Variants in TTLL5 observed in about 807,000 individuals in gnomAD.
TTLL5 encodes the protein tubulin tyrosine ligase like 5.
TTLL5 carries 132 observed loss-of-function variants against 168.4 expected under a neutral mutation model. The observed-to-expected ratio is 0.78, with a 90% CI of 0.68 to 0.91. The LOEUF (loss-of-function observed/expected upper bound fraction) is 0.91. Ranked by LOEUF, TTLL5 falls within the 40% of genes least tolerant of loss-of-function variation. TTLL5 has a pLI of 0.00. For missense variants in TTLL5, 1,545 were observed against 1,581.5 expected, an observed-to-expected ratio of 0.98 and a Z score of 0.39; for synonymous variants, 546 against 558.6, an observed-to-expected ratio of 0.98 and a Z score of 0.32.
chr14:75,796,710 G>T (rs1476946829), intron 27 of TTLL5, among the ~76,000 whole-genome samples: 3 of 152,014 alleles, frequency 2.0e-5, no homozygotes, highest in African/African-American at 7.2e-5. Flanking sequence ...TTTTTTGTTT[G>T]CTTTGTCAAA....
chr14:75,807,025 T>A (rs1427503672), intron 27 of TTLL5, among the ~76,000 whole-genome samples: 2 of 152,252 alleles, frequency 1.3e-5, no homozygotes, highest in Non-Finnish European at 2.9e-5. Context: ...TGTTTTGCAC[T>A]AAACTACATG....
Position 75,766,080 on chromosome 14 carries a change from AAATG to A in TTLL5, c.1732_1735del (p.Asn578LeufsTer15), listed in dbSNP as rs1431602537. 1.2e-6 allele frequency: 2 copies of A among 1,612,026 alleles called. No homozygotes were observed. The highest frequency in any genetic ancestry group is 1.7e-6 in the Non-Finnish European group (2 of 1,179,206). ...TATTTAGTGATTACCCAACCAGCTG[AAATG>A]AATGTTAAAACTGAGACAGAGAGTG... On this transcript the variant is annotated frameshift_variant, in exon 20 of 32. Coordinates refer to ENST00000298832, the MANE Select transcript of TTLL5 (RefSeq NM_015072.5). LOFTEE classifies it high-confidence loss of function.
chr14:75,865,047 C>T (rs1053759486), intron 29 of TTLL5, among the ~76,000 whole-genome samples: 7 of 151,964 alleles, frequency 4.6e-5, no homozygotes, highest in Non-Finnish European at 7.4e-5. Flanking sequence ...TTGTAAGTGC[C>T]GGCATTTGCA....
At chr14:75,915,857 G>C (rs985242082) in intron 31 of TTLL5, among the ~76,000 whole-genome samples, 5 of 152,182 alleles carry the variant, frequency 3.3e-5, no homozygotes, top group African/African-American at 1.2e-4. Context: ...GTCGGACATG[G>C]TGGCTCCTGC....
At position 75,777,687 on chromosome 14, in the gene TTLL5, A is replaced by G. The variant is rs148630813; in HGVS notation, c.2387+837A>G. ...CCCATTACTTAGGCTTCAACTGTCA[A>G]AGTCACAAATAGGGAGAAAATCAGT... is the stretch of plus-strand genomic sequence containing the variant. On this transcript the variant is annotated intron_variant, in intron 23 of 31. Coordinates refer to ENST00000298832, the MANE Select transcript of TTLL5 (RefSeq NM_015072.5). 1.1e-3 allele frequency among the ~76,000 whole-genome samples: 160 copies of G among 152,328 alleles called. 1 individual carries two copies. The highest frequency in any genetic ancestry group is 3.6e-3 in the African/African-American group (149 of 41,574).
At position 75,779,613 on chromosome 14, in the gene TTLL5, A is replaced by C; in HGVS notation, c.2426A>C (p.Gln809Pro). The C allele has an allele frequency of 1.2e-6, 2 of 1,613,738 alleles. No individual in the cohort carries two copies. The highest frequency in any genetic ancestry group is 1.1e-5 in the South Asian group (1 of 90,982). ...ELEEVLTFYT[Q>P]KNKSASVFLG... The stretch of plus-strand genomic sequence containing the variant: ...GAGGAGGTGTTGACTTTTTATACCC[A>C]AAAGAACAAGTCTGCTAGTGTCTTC... Residue 809 changes from glutamine to proline, a missense_variant, in exon 24 of 32, where the codon CAA becomes CCA. Transcript: ENST00000298832.
At chr14:75,661,945 A>G (rs1890758656) in intron 1 of TTLL5, among the ~76,000 whole-genome samples, 1 of 152,170 alleles carries the variant, frequency 6.6e-6, no homozygotes, top group Non-Finnish European at 1.5e-5. Flanking sequence ...ACAGCAAGTA[A>G]TTATCGCTGA....
At chr14:75,914,179 A>G (rs2140120732) in intron 31 of TTLL5, among the ~76,000 whole-genome samples, 2 of 151,088 alleles carry the variant, frequency 1.3e-5, no homozygotes, top group South Asian at 2.1e-4. Flanking sequence ...CTAGAGACCT[A>G]CAATTTATAT....
chr14:75,832,680 A>T (rs903475325), intron 28 of TTLL5, among the ~76,000 whole-genome samples: 11 of 152,202 alleles, frequency 7.2e-5, no homozygotes, highest in Non-Finnish European at 5.9e-5. Context: ...AACACTCATC[A>T]CTATAAAATA....
chr14:75,892,775 TAC>T (rs2032465938), intron 30 of TTLL5, among the ~76,000 whole-genome samples: 1 of 152,330 alleles, frequency 6.6e-6, no homozygotes, highest in African/African-American at 2.4e-5. Context: ...CTATGGGCCT[TAC>T]AGAGTCAGGA....
chr14:75,789,661 A>C (rs1421894507), intron 26 of TTLL5, among the ~76,000 whole-genome samples: 1 of 152,224 alleles, frequency 6.6e-6, no homozygotes, highest in Non-Finnish European at 1.5e-5. Flanking sequence ...ACATTTAGAA[A>C]GGAAAGGAAG....
Position 75,895,935 on chromosome 14 carries a change from G to A in TTLL5, c.3741-6207G>A, listed in dbSNP as rs551819113. On this transcript the variant is annotated intron_variant, in intron 30 of 31. Transcript: ENST00000298832. The stretch of plus-strand genomic sequence containing the variant: ...GGAACGAATGAAATTGACAAGTACT[G>A]GGATGGCCTCTGGAAAGACTAATGA... Among the ~76,000 whole-genome samples, 6 of 152,244 alleles carry A rather than the reference G, an allele frequency of 3.9e-5. No homozygotes were observed. The South Asian group carries it at 1.2e-3, about 32-fold the overall frequency.
At chr14:75,690,395 C>G in intron 6 of TTLL5, 73 bp downstream of exon 6, 1 of 1,516,058 alleles carries the variant, frequency 6.6e-7, no homozygotes, top group Non-Finnish European at 8.8e-7. Context: ...AAAGCCTCCT[C>G]AAGGTGTCAA....
intron 28 of TTLL5, among the ~76,000 whole-genome samples, chr14:75,831,648 G>C (rs1158962123): frequency 1.3e-5 from 2 of 152,210 alleles, no homozygotes; most frequent in African/African-American, 4.8e-5. Context: ...CTAGCAGGGG[G>C]AGTGGGTGGG....
At chr14:75,899,851 C>G (rs557230990) in intron 30 of TTLL5, among the ~76,000 whole-genome samples, 3 of 152,088 alleles carry the variant, frequency 2.0e-5, no homozygotes. Context: ...GTCTAAGCCC[C>G]CAGGGACTCT....
At chr14:75,928,111 G>A (rs1238120364) in intron 31 of TTLL5, among the ~76,000 whole-genome samples, 1 of 151,812 alleles carries the variant, frequency 6.6e-6, no homozygotes, top group Non-Finnish European at 1.5e-5. Context: ...ATTGTCTGTA[G>A]GCGAAACCCT....
intron 2 of TTLL5, among the ~76,000 whole-genome samples, chr14:75,666,227 A>G (rs951186316): frequency 4.6e-5 from 7 of 152,252 alleles, no homozygotes; most frequent in Non-Finnish European, 7.3e-5. Context: ...TGTTGACTTG[A>G]TCCAAAGATG....
rs143805697 is a variant in TTLL5 at position 75,860,874 on chromosome 14, C to G, written c.3327-2793C>G. ...GAGATAATAGGTTCCTCAGGCTCCT[C>G]CTTTCCTAACGATGTCATCCTGTTT... On this transcript the variant is annotated intron_variant, in intron 28 of 31. Transcript: ENST00000298832. 2.6e-5 allele frequency among the ~76,000 whole-genome samples: 4 copies of G among 152,280 alleles called. No homozygotes were observed. The East Asian group carries it at 7.7e-4, about 29-fold the overall frequency.
At chr14:75,840,553 C>T (rs1318599183) in intron 28 of TTLL5, among the ~76,000 whole-genome samples, 6 of 152,088 alleles carry the variant, frequency 3.9e-5, no homozygotes, top group Non-Finnish European at 8.8e-5. Context: ...CAGGCCAGCC[C>T]TATTCAGTGT....
Sources: gnomAD v4.1 joint callset for allele counts (sites outside exome capture counted in the v4.1 genomes callset) on GRCh38, gnomAD v4.1.1 for gene constraint, MANE v1.5 for transcripts, NCBI Gene and HGNC (gene_info 2026-07-23, HGNC 2026-07-21) for gene names.